The following SLC26A4 variants were observed in gnomAD, a reference collection of about 807,000 sequenced individuals.
SLC26A4 encodes the protein solute carrier family 26 member 4.
In SLC26A4, 93 loss-of-function variants were observed where a neutral mutation model predicts 90.4. The observed-to-expected ratio is 1.03, with a 90% CI of 0.87 to 1.22. The LOEUF is 1.22. Among genes scored for constraint, SLC26A4 ranks in the 50% most tolerant of loss-of-function variants. The probability of loss-of-function intolerance (pLI) is 0.00; values close to 1 mark genes in which losing one functional copy is unlikely to be tolerated. For synonymous variants in SLC26A4, 393 were observed against 354.6 expected, an observed-to-expected ratio of 1.11 and a Z score of -1.22; for missense variants, 1,127 against 946.2, an observed-to-expected ratio of 1.19 and a Z score of -2.51.
At chr7:107,715,342 A>T (rs1298527089) in intron 20 of SLC26A4, 81 bp from the exon 21 acceptor site, 8 of 1,133,710 alleles carry the variant, frequency 7.1e-6, no homozygotes, top group Admixed American at 1.7e-5. Context: ...AATACTATAA[A>T]AACATATTTA....
chr7:107,684,573 T>C (rs1791343878), intron 8 of SLC26A4, among the ~76,000 whole-genome samples: 1 of 152,332 alleles, frequency 6.6e-6, no homozygotes, highest in African/African-American at 2.4e-5. Flanking sequence ...GGACTTAATT[T>C]GCATGCTATC....
At chr7:107,696,966 C>T (rs986277690) in intron 13 of SLC26A4, among the ~76,000 whole-genome samples, 16 of 152,208 alleles carry the variant, frequency 1.1e-4, no homozygotes, top group Non-Finnish European at 1.8e-4. Context: ...CCTCTCCTGT[C>T]CCACCAGCCA....
chr7:107,711,887 T>C (rs949763711), intron 19 of SLC26A4, among the ~76,000 whole-genome samples: 4 of 152,340 alleles, frequency 2.6e-5, no homozygotes, highest in South Asian at 2.1e-4. Context: ...AATTGGGCTA[T>C]TTGTGAGTTG....
At chr7:107,692,145 T>A (rs1791593737) in intron 10 of SLC26A4, 3 of 1,187,872 alleles carry the variant, frequency 2.5e-6, no homozygotes, top group Non-Finnish European at 3.3e-6. Flanking sequence ...TCTGGTAAGC[T>A]AATACCCCCT....
At chr7:107,671,804 C>G (rs1283722851) in intron 3 of SLC26A4, among the ~76,000 whole-genome samples, 1 of 152,216 alleles carries the variant, frequency 6.6e-6, no homozygotes, top group Non-Finnish European at 1.5e-5. Flanking sequence ...CAAAAATGCA[C>G]TTAATACACC....
rs879466423 is a variant in SLC26A4 at position 107,716,810 on chromosome 7, T to A, written c.*1364T>A. 2 of 152,194 alleles carry A rather than the reference T, an allele frequency of 1.3e-5. No homozygotes were observed. Among genetic ancestry groups the A allele is most frequent in the African/African-American group, 2.4e-5 (1 of 41,456 alleles). The allele number at this position is 152,194 out of a possible 1,614,324, so 9.4% of individuals were successfully genotyped here. A position where few individuals can be genotyped will look rare whatever the true frequency, so the allele number is the denominator to read the frequency against. ...CTCCAGGGATTGGTTTCAGGACCCCTGCATTTACCAAAATTTGTGCACACT... is the reference window on the plus strand; with the variant it reads ...CTCCAGGGATTGGTTTCAGGACCCCAGCATTTACCAAAATTTGTGCACACT... On this transcript the variant is annotated 3_prime_UTR_variant, in exon 21 of 21. Transcript: ENST00000644269.
intron 19 of SLC26A4, 80 bp from the exon 20 acceptor site, chr7:107,712,459 G>A: frequency 1.3e-6 from 1 of 789,106 alleles, no homozygotes; most frequent in Non-Finnish European, 2.3e-6. Context: ...AGAAGCACCA[G>A]GAAAGCTTCA....
chr7:107,675,520 A>C (rs1343082362), intron 6 of SLC26A4, among the ~76,000 whole-genome samples: 1 of 127,502 alleles, frequency 7.8e-6, no homozygotes, highest in African/African-American at 2.9e-5. Flanking sequence ...CAAAAACAAA[A>C]TCAAAACAAA....
chr7:107,695,902 T>C (rs748042149), intron 12 of SLC26A4, 31 bp from the exon 13 acceptor site: 2 of 1,069,060 alleles, frequency 1.9e-6, no homozygotes, highest in Non-Finnish European at 2.9e-6. Flanking sequence ...TACATTAATA[T>C]AATTCTTTTC....
intron 3 of SLC26A4, among the ~76,000 whole-genome samples, chr7:107,668,303 G>A (rs968358755): frequency 6.6e-6 from 1 of 152,196 alleles, no homozygotes; most frequent in African/African-American, 2.4e-5. Flanking sequence ...AGTGAAGACA[G>A]GAAGGTGTGG....
rs56009300 is a variant in SLC26A4 at position 107,717,365 on chromosome 7, C to CAAAA, written c.*1941_*1944dup. On this transcript the variant is annotated 3_prime_UTR_variant, in exon 21 of 21. Coordinates refer to ENST00000644269, the MANE Select transcript of SLC26A4 (RefSeq NM_000441.2). ...TGGGCGACAGAGCAAGACTCCGTCT[C>CAAAA]AAAAAAAAAAAAAAAAAAAAAAAAA... The CAAAA allele has an allele frequency of 9.5e-5, 7 of 73,558 alleles. No homozygotes were observed. The highest frequency in any genetic ancestry group is 5.4e-4 in the South Asian group (1 of 1,868). The allele number at this position is 73,558 out of a possible 1,614,324, so 4.6% of individuals were successfully genotyped here.
In SLC26A4 at chr7:107,701,998, G is replaced by C. The variant is rs200455203; in HGVS notation, c.1975G>C (p.Val659Leu). 6.2e-6 allele frequency: 10 copies of C among 1,614,090 alleles called. No individual in the cohort carries two copies. The East Asian group carries it at 2.2e-4, about 36-fold the overall frequency. The change falls in exon 17 of 21, where the codon GTG becomes CTG. Residue 659 changes from valine to leucine, a missense_variant. Transcript: ENST00000644269. ...TCCCAAAGTGCCAATCCATAGCCTT[G>C]TGCTTGACTGTGGAGCTATATCTTT... is the stretch of plus-strand genomic sequence containing the variant. Reference protein sequence around the residue: ...NVPKVPIHSLVLDCGAISFLD... With the variant: ...NVPKVPIHSLLLDCGAISFLD...
intron 20 of SLC26A4, among the ~76,000 whole-genome samples, chr7:107,714,494 G>T (rs1461666035): frequency 6.6e-6 from 1 of 152,102 alleles, no homozygotes; most frequent in Non-Finnish European, 1.5e-5. Flanking sequence ...AGTCATTATC[G>T]ACCTGAGAAG....
chr7:107,679,980 CTTA>C (rs1304602562), intron 6 of SLC26A4, among the ~76,000 whole-genome samples: 34 of 131,360 alleles, frequency 2.6e-4, no homozygotes, highest in South Asian at 4.8e-4. Flanking sequence ...ATAATATAAT[CTTA>C]TTATATAATA....
chr7:107,702,146 C>T (rs1791912270), intron 17 of SLC26A4, 89 bp downstream of exon 17: 5 of 833,328 alleles, frequency 6.0e-6, no homozygotes, highest in Non-Finnish European at 1.0e-5. Flanking sequence ...AGGGCAAATA[C>T]ATGGGCTTTG....
chr7:107,665,749 A>G (rs539464618), intron 3 of SLC26A4, among the ~76,000 whole-genome samples: 1 of 152,292 alleles, frequency 6.6e-6, no homozygotes, highest in East Asian at 1.9e-4. Context: ...CCTCATAACA[A>G]TCCTGCTAGG....
rs1323337047 is a variant in SLC26A4 at position 107,717,017 on chromosome 7, T to C, written c.*1571T>C. On this transcript the variant is annotated 3_prime_UTR_variant, in exon 21 of 21. Transcript: ENST00000644269. ...TAACTAGGATTATAATGCTGCCTCA[T>C]TTTCACAGCACTACTTGCTTATATT... 2.0e-5 allele frequency: 3 copies of C among 152,168 alleles called. No homozygotes were observed. The East Asian group carries it at 5.8e-4, about 29-fold the overall frequency. 9.4% of individuals were successfully genotyped at this position (152,168 alleles called of 1,614,324 possible). A position where few individuals can be genotyped will look rare whatever the true frequency, so the allele number is the denominator to read the frequency against.
chr7:107,699,390 G>C (rs1342029572), intron 14 of SLC26A4, among the ~76,000 whole-genome samples: 2 of 152,102 alleles, frequency 1.3e-5, no homozygotes, highest in Non-Finnish European at 2.9e-5. Flanking sequence ...GATATCATAG[G>C]CCTCAGTTCT....
rs1791296769 is a variant in SLC26A4 at position 107,683,235 on chromosome 7, ACC to A, written c.800_801del (p.Thr267LysfsTer4). ...TGAGATTTTTCAAAATATTGGTGAT[ACC>A]AATCTTGCTGATTTCACTGCTGGAT... ...LVEIFQNIGD[T>X]NLADFTAGLL... On this transcript the variant is annotated frameshift_variant, in exon 7 of 21. Coordinates refer to ENST00000644269, the MANE Select transcript of SLC26A4 (RefSeq NM_000441.2). LOFTEE classifies it high-confidence loss of function. 1 of 1,612,460 alleles carries A rather than the reference ACC, an allele frequency of 6.2e-7. No homozygotes were observed. Among genetic ancestry groups the A allele is most frequent in the Non-Finnish European group, 8.5e-7 (1 of 1,179,708 alleles).
Sources: allele counts gnomAD v4.1 joint callset (sites outside exome capture counted in the v4.1 genomes callset), GRCh38; gene constraint gnomAD v4.1.1; transcripts MANE v1.5; gene names NCBI Gene and HGNC (gene_info 2026-07-23, HGNC 2026-07-21).